Variants in TET1 observed in about 807,000 individuals in gnomAD.
TET1 encodes tet methylcytosine dioxygenase 1.
A neutral mutation model predicts 148.7 loss-of-function variants in TET1; 13 were observed. The ratio of observed to expected loss-of-function variants is 0.09; its 90% CI spans 0.06 to 0.14. TET1 has a LOEUF of 0.14. Among genes scored for constraint, TET1 ranks in the 10% least tolerant of loss-of-function variants. The probability of loss-of-function intolerance (pLI) is 1.00; values close to 1 mark genes in which losing one functional copy is unlikely to be tolerated. For missense variants in TET1, 2,182 were observed against 2,553.8 expected, an observed-to-expected ratio of 0.85 and a Z score of 3.14; for synonymous variants, 907 against 937.2, an observed-to-expected ratio of 0.97 and a Z score of 0.59.
At chr10:68,650,276 C>T (rs1249572205) in intron 4 of TET1, among the ~76,000 whole-genome samples, 1 of 152,110 alleles carries the variant, frequency 6.6e-6, no homozygotes, top group African/African-American at 2.4e-5. Context: ...CGGCAACATT[C>T]CCCTGGTTCA....
intron 2 of TET1, among the ~76,000 whole-genome samples, chr10:68,597,717 A>G (rs892733325): frequency 1.3e-5 from 2 of 152,250 alleles, no homozygotes; most frequent in Non-Finnish European, 2.9e-5. Context: ...AGAATAAGGG[A>G]AAAACAAAAT....
chr10:68,575,150 G>A (rs956625965), intron 2 of TET1, among the ~76,000 whole-genome samples: 2 of 152,176 alleles, frequency 1.3e-5, no homozygotes, highest in Admixed American at 6.5e-5. Context: ...TTGAAAGGCC[G>A]AGGCGGGCAG....
chr10:68,576,137 C>T (rs978144030), intron 2 of TET1, among the ~76,000 whole-genome samples: 2 of 151,908 alleles, frequency 1.3e-5, no homozygotes, highest in African/African-American at 4.8e-5. Context: ...GGACAGATCA[C>T]TTGAGGAGTT....
chr10:68,690,034 T>A (rs978570675), intron 11 of TET1, among the ~76,000 whole-genome samples: 42 of 152,224 alleles, frequency 2.8e-4, no homozygotes, highest in African/African-American at 8.4e-4. Context: ...TAAGATGTTT[T>A]GTTACCTAGA....
chr10:68,600,419 A>G (rs894746157), intron 2 of TET1, among the ~76,000 whole-genome samples: 5 of 152,278 alleles, frequency 3.3e-5, no homozygotes. Context: ...AGCGAACTCC[A>G]TGTCGCAGCT....
intron 6 of TET1, among the ~76,000 whole-genome samples, chr10:68,661,160 G>A (rs1404226818): frequency 6.7e-6 from 1 of 148,514 alleles, no homozygotes; most frequent in African/African-American, 2.5e-5. Context: ...CTCCCGAGTA[G>A]CTGGGACTAC....
chr10:68,595,153 GAAAA>G (rs113065548), intron 2 of TET1, among the ~76,000 whole-genome samples: 1 of 135,366 alleles, frequency 7.4e-6, no homozygotes, highest in Admixed American at 7.5e-5. Flanking sequence ...ACCCTATCAA[GAAAA>G]AAAAAAAAAA....
intron 3 of TET1, among the ~76,000 whole-genome samples, chr10:68,633,865 C>A (rs1477401723): frequency 6.6e-6 from 1 of 151,986 alleles, no homozygotes. Context: ...GGTTTGTAGT[C>A]CAAGGAATAT....
rs762999090 is a variant in TET1 at position 68,572,772 on chromosome 10, T to C, written c.434T>C (p.Leu145Pro). The change falls in exon 2 of 12, where the codon CTC becomes CCC. Residue 145 changes from leucine (L) to proline (P), a missense_variant. This residue lies in a region of TET1 where 665 missense variants were observed against 672.4 expected (regional missense o/e 0.99). Transcript: ENST00000373644. ...CAACATGATTGTGATTATAAGATACTCCCTGCTTTGGGAGTAAAGCACTCA... is the reference window on the plus strand; with the variant it reads ...CAACATGATTGTGATTATAAGATACCCCCTGCTTTGGGAGTAAAGCACTCA... Reference protein sequence around the residue: ...EKQHDCDYKILPALGVKHSEN... With the variant: ...EKQHDCDYKIPPALGVKHSEN... The C allele has an allele frequency of 2.5e-6, 4 of 1,614,012 alleles. No individual in the cohort carries two copies. The Admixed American group carries it at 5.0e-5, about 20-fold the overall frequency.
chr10:68,593,324 A>G (rs1564957502), intron 2 of TET1, among the ~76,000 whole-genome samples: 2 of 152,056 alleles, frequency 1.3e-5, no homozygotes. Flanking sequence ...GTTATTGTGA[A>G]AAACAAATTA....
rs200421807 is a variant in TET1, at chr10:68,613,320, T to TA, written c.1968+12293dup. Among the ~76,000 whole-genome samples the TA allele has an allele frequency of 7.3e-3, 1,114 of 152,066 alleles. 14 individuals are homozygous for TA. The highest frequency in any genetic ancestry group is 0.026 in the African/African-American group (1,062 of 41,344). On this transcript the variant is annotated intron_variant, in intron 3 of 11. Coordinates refer to ENST00000373644, the MANE Select transcript of TET1 (RefSeq NM_030625.3). ...TGCATAGACTACTTGTTCCATTTTG[T>TA]AAAAAAATCTTTTGATTTGATGGTC...
At chr10:68,615,534 TGG>T (rs2132944053) in intron 3 of TET1, among the ~76,000 whole-genome samples, 1 of 150,040 alleles carries the variant, frequency 6.7e-6, no homozygotes, top group African/African-American at 2.4e-5. Flanking sequence ...TTAGCAGAGA[TGG>T]GGTTTCTGCA....
intron 3 of TET1, among the ~76,000 whole-genome samples, chr10:68,634,686 T>G (rs1452087246): frequency 1.3e-5 from 2 of 152,212 alleles, no homozygotes; most frequent in East Asian, 3.8e-4. Context: ...AGAATTCCTA[T>G]GAAGTACTGT....
Position 68,614,842 on chromosome 10 carries a change from C to T in TET1, c.1968+13808C>T, listed in dbSNP as rs373386094. 3.3e-5 allele frequency among the ~76,000 whole-genome samples: 5 copies of T among 152,112 alleles called. No homozygotes were observed. The East Asian group carries it at 5.8e-4, about 18-fold the overall frequency. On this transcript the variant is annotated intron_variant, in intron 3 of 11. Coordinates refer to ENST00000373644, the MANE Select transcript of TET1 (RefSeq NM_030625.3). ...CTCCTGAGCTCAAGCAATCCGCCCA[C>T]CTTGGCCTCCTAAACTCCTGGGCTT...
intron 3 of TET1, among the ~76,000 whole-genome samples, chr10:68,609,378 C>T (rs1246891012): frequency 1.3e-5 from 2 of 152,124 alleles, no homozygotes; most frequent in Non-Finnish European, 2.9e-5. Flanking sequence ...TCAGGCTGGT[C>T]TCGAACTCCT....
At chr10:68,663,995 G>A (rs1049113611) in intron 6 of TET1, among the ~76,000 whole-genome samples, 7 of 150,406 alleles carry the variant, frequency 4.7e-5, no homozygotes, top group Admixed American at 3.3e-4. Flanking sequence ...CTCCACCAAC[G>A]TAGGTACCTC....
intron 6 of TET1, among the ~76,000 whole-genome samples, chr10:68,663,846 A>G (rs1834267864): frequency 6.6e-6 from 1 of 152,198 alleles, no homozygotes; most frequent in Non-Finnish European, 1.5e-5. Context: ...CATGACTAGA[A>G]GCCAAATTTG....
chr10:68,618,106 G>T (rs909114756), intron 3 of TET1, among the ~76,000 whole-genome samples: 2 of 151,708 alleles, frequency 1.3e-5, no homozygotes, highest in African/African-American at 2.4e-5. Context: ...GCATAGCAAT[G>T]GTACCTCTTG....
At chr10:68,579,491 T>C (rs2053768320) in intron 2 of TET1, among the ~76,000 whole-genome samples, 1 of 152,230 alleles carries the variant, frequency 6.6e-6, no homozygotes, top group South Asian at 2.1e-4. Context: ...ATTGCACTTC[T>C]CCTAGGCTAT....
Sources: gnomAD v4.1 joint callset for allele counts (sites outside exome capture counted in the v4.1 genomes callset) on GRCh38, gnomAD v4.1.1 for gene constraint, gnomAD v4.1.1 regional missense constraint, MANE v1.5 for transcripts, NCBI Gene and HGNC (gene_info 2026-07-23, HGNC 2026-07-21) for gene names.